The following TRHDE variants were observed in gnomAD, a reference collection of about 807,000 sequenced individuals.
TRHDE encodes the protein thyrotropin releasing hormone degrading enzyme.
TRHDE carries 72 observed loss-of-function variants against 125.7 expected under a neutral mutation model. That is an observed-to-expected ratio of 0.57 (90% confidence interval 0.47 to 0.70). The LOEUF (loss-of-function observed/expected upper bound fraction) is 0.70. TRHDE is among the 30% of genes least tolerant of loss of function. The probability of loss-of-function intolerance (pLI) is 0.00; values close to 1 mark genes in which losing one functional copy is unlikely to be tolerated. For missense variants in TRHDE, 1,110 were observed against 1,327.1 expected (o/e 0.84, Z 2.54); for synonymous variants, 509 against 509.1 (o/e 1.00, Z 0.00).
intron 1 of TRHDE, among the ~76,000 whole-genome samples, chr12:72,090,998 T>C (rs1006102194): frequency 2.6e-5 from 4 of 152,052 alleles, no homozygotes; most frequent in African/African-American, 9.7e-5. Context: ...GCCTCCTGAG[T>C]AGCTGGAACT....
intron 12 of TRHDE, among the ~76,000 whole-genome samples, chr12:72,584,906 T>C (rs1871378640): frequency 6.6e-6 from 1 of 152,228 alleles, no homozygotes; most frequent in Non-Finnish European, 1.5e-5. Flanking sequence ...TCTAAAAATA[T>C]CATATTGTCC....
chr12:72,335,197 G>A (rs1234672587), intron 2 of TRHDE, among the ~76,000 whole-genome samples: 2 of 152,264 alleles, frequency 1.3e-5, no homozygotes, highest in African/African-American at 4.8e-5. Flanking sequence ...ATTCACTACA[G>A]CTTGCCAATC....
At chr12:72,602,471 T>C (rs565157711) in intron 12 of TRHDE, among the ~76,000 whole-genome samples, 2 of 152,260 alleles carry the variant, frequency 1.3e-5, no homozygotes, top group East Asian at 3.9e-4. Flanking sequence ...TCTGGAGGTA[T>C]GGTGGGTTAC....
chr12:72,536,121 A>G (rs1868845606), intron 6 of TRHDE, among the ~76,000 whole-genome samples: 1 of 152,142 alleles, frequency 6.6e-6, no homozygotes, highest in Non-Finnish European at 1.5e-5. Flanking sequence ...AGTGTAGACT[A>G]TATACTAGCC....
intron 2 of TRHDE, among the ~76,000 whole-genome samples, chr12:72,145,249 T>C (rs1033335190): frequency 3.9e-5 from 6 of 152,224 alleles, no homozygotes; most frequent in Non-Finnish European, 7.3e-5. Flanking sequence ...CCAGAGATTT[T>C]AAATTGTTGT....
intron 2 of TRHDE, among the ~76,000 whole-genome samples, chr12:72,310,328 G>A (rs1411480635): frequency 1.3e-5 from 2 of 152,334 alleles, no homozygotes; most frequent in Non-Finnish European, 2.9e-5. Flanking sequence ...CTGAATTCAA[G>A]TCTCCTGTCT....
intron 2 of TRHDE, among the ~76,000 whole-genome samples, chr12:72,117,397 A>C (rs1875471346): frequency 6.6e-6 from 1 of 151,874 alleles, no homozygotes; most frequent in African/African-American, 2.4e-5. Context: ...AGATGTTTGA[A>C]TTTATTTCTG....
At chr12:72,332,396 C>CCCA (rs1869642635) in intron 2 of TRHDE, among the ~76,000 whole-genome samples, 2 of 152,176 alleles carry the variant, frequency 1.3e-5, no homozygotes, top group Admixed American at 1.3e-4. Flanking sequence ...ACCTGGGCCT[C>CCCA]CCAGAGTGCT....
At chr12:72,162,521 C>A (rs1876657763) in intron 2 of TRHDE, among the ~76,000 whole-genome samples, 1 of 152,144 alleles carries the variant, frequency 6.6e-6, no homozygotes, top group Admixed American at 6.5e-5. Flanking sequence ...TTTTCATTCA[C>A]AGTAGTGGCA....
At chr12:72,640,166 C>G (rs777947536) in intron 15 of TRHDE, among the ~76,000 whole-genome samples, 1 of 152,324 alleles carries the variant, frequency 6.6e-6, no homozygotes, top group South Asian at 2.1e-4. Context: ...ACTCCGTGGG[C>G]GTAGGACCCT....
chr12:72,500,143 G>T (rs938090848), intron 6 of TRHDE, among the ~76,000 whole-genome samples: 3 of 151,972 alleles, frequency 2.0e-5, no homozygotes, highest in Non-Finnish European at 2.9e-5. Context: ...TAAAATACTA[G>T]ACTTTCAATG....
chr12:72,578,145 T>C (rs940753706), intron 12 of TRHDE, among the ~76,000 whole-genome samples: 3 of 152,200 alleles, frequency 2.0e-5, no homozygotes, highest in Admixed American at 2.0e-4. Context: ...ATAGCAAATA[T>C]TTATTAAATA....
At chr12:72,286,318 G>A (rs1224005318) in intron 1 of TRHDE, among the ~76,000 whole-genome samples, 1 of 152,182 alleles carries the variant, frequency 6.6e-6, no homozygotes, top group Non-Finnish European at 1.5e-5. Context: ...TTTACATGTT[G>A]TGCAGCTTCA....
intron 12 of TRHDE, among the ~76,000 whole-genome samples, chr12:72,593,664 C>T (rs569262503): frequency 3.9e-5 from 6 of 152,108 alleles, no homozygotes; most frequent in Admixed American, 3.9e-4. Flanking sequence ...ATCCCTCCCC[C>T]CTCCTCCCAC....
At chr12:72,376,653 CT>C (rs1871895606) in intron 2 of TRHDE, among the ~76,000 whole-genome samples, 1 of 152,110 alleles carries the variant, frequency 6.6e-6, no homozygotes, top group Non-Finnish European at 1.5e-5. Flanking sequence ...ATGTGTTTTC[CT>C]TGACTTCATA....
chr12:72,568,807 T>C (rs1463636429), intron 10 of TRHDE, 151 bp downstream of exon 10: 4 of 482,754 alleles, frequency 8.3e-6, no homozygotes, highest in Non-Finnish European at 1.5e-5. Flanking sequence ...AAATTAGATA[T>C]AGTATAGTTT....
chr12:72,152,005 A>G (rs1399715462), intron 2 of TRHDE, among the ~76,000 whole-genome samples: 2 of 151,574 alleles, frequency 1.3e-5, no homozygotes, highest in African/African-American at 2.4e-5. Context: ...CATTTTCACA[A>G]TATTGATTCT....
chr12:72,637,901 G>T (rs1873839089), intron 15 of TRHDE, among the ~76,000 whole-genome samples: 1 of 152,044 alleles, frequency 6.6e-6, no homozygotes, highest in African/African-American at 2.4e-5. Flanking sequence ...TTTTACATTT[G>T]CTGAGGAGAG....
At chr12:72,259,814 C>T (rs1878905772) in intron 2 of TRHDE, among the ~76,000 whole-genome samples, 1 of 152,156 alleles carries the variant, frequency 6.6e-6, no homozygotes, top group Non-Finnish European at 1.5e-5. Context: ...CTAGCTCCCG[C>T]TTTGTGTGGA....
Sources: allele counts gnomAD v4.1 joint callset (sites outside exome capture counted in the v4.1 genomes callset), GRCh38; gene constraint gnomAD v4.1.1; transcripts MANE v1.5; gene names NCBI Gene and HGNC (gene_info 2026-07-23, HGNC 2026-07-21).